The following PKD2L1 variants were observed in gnomAD, a reference collection of about 807,000 sequenced individuals.
PKD2L1 encodes the protein polycystin 2 like 1, transient receptor potential cation channel.
Under a neutral mutation model 93.0 loss-of-function variants are expected in PKD2L1, and 77 were observed. The ratio of observed to expected loss-of-function variants is 0.83; its 90% CI spans 0.69 to 1.00. The LOEUF (loss-of-function observed/expected upper bound fraction) is 1.00, where lower values mean the gene tolerates loss of function less well. PKD2L1 is among the 50% of genes least tolerant of loss of function. PKD2L1 has a pLI of 0.00. For synonymous variants in PKD2L1, 390 were observed against 388.0 expected (o/e 1.01, Z -0.06); for missense variants, 977 against 990.9 (o/e 0.99, Z 0.19).
chr10:100,308,215 C>A (rs916922630), intron 2 of PKD2L1, among the ~76,000 whole-genome samples: 18 of 152,080 alleles, frequency 1.2e-4, no homozygotes, highest in African/African-American at 4.3e-4. Flanking sequence ...ACAACAACCA[C>A]CATTATTGAT....
intron 14 of PKD2L1, 92 bp downstream of exon 14, chr10:100,289,923 T>C: frequency 6.9e-7 from 1 of 1,442,084 alleles, no homozygotes; most frequent in Non-Finnish European, 9.7e-7. Flanking sequence ...AACATAGGTC[T>C]TTCAAAAATG....
intron 12 of PKD2L1, 121 bp from the exon 13 acceptor site, chr10:100,290,640 C>T (rs1848386926): frequency 6.2e-6 from 4 of 647,598 alleles, no homozygotes; most frequent in African/African-American, 5.4e-5. Flanking sequence ...TCTTGCTATT[C>T]CCCTTCCCTC....
Position 100,329,988 on chromosome 10 carries a change from G to A in PKD2L1, c.116C>T (p.Thr39Ile). ...PSPHGTLRVC[T>I]ISSTGPLQPQ... ...CTGGAGAGGCCCCGTGCTGGAGATG[G>A]TGCAGACTCTCAGCGTCCCGTGTGG... Residue 39 changes from threonine (T) to isoleucine (I), a missense_variant, in exon 1 of 16, where the codon ACC becomes ATC. Coordinates refer to ENST00000318222, the MANE Select transcript of PKD2L1 (RefSeq NM_016112.3). 6.2e-7 allele frequency: 1 copy of A among 1,613,934 alleles called. No homozygotes were observed. Among genetic ancestry groups the A allele is most frequent in the Non-Finnish European group, 8.5e-7 (1 of 1,179,822 alleles).
In PKD2L1 at chr10:100,330,209, G is replaced by A. The variant is rs981888616; in HGVS notation, c.-106C>T. 7.7e-6 allele frequency: 5 copies of A among 648,300 alleles called. No individual in the cohort carries two copies. The highest frequency in any genetic ancestry group is 7.7e-4 in the Middle Eastern group (2 of 2,600). The allele number at this position is 648,300 out of a possible 1,614,324, so 40.2% of individuals were successfully genotyped here. A position where few individuals can be genotyped will look rare whatever the true frequency, so the allele number is the denominator to read the frequency against. On this transcript the variant is annotated 5_prime_UTR_variant, in exon 1 of 16. Coordinates refer to ENST00000318222, the MANE Select transcript of PKD2L1 (RefSeq NM_016112.3). ...TAGCCAGCAGAGAGCAAATGGAAAG[G>A]CGTCTGAGAGCAGCTGTTTCCACAC...
chr10:100,324,318 C>A (rs965127597), intron 2 of PKD2L1, among the ~76,000 whole-genome samples: 2 of 152,174 alleles, frequency 1.3e-5, no homozygotes, highest in African/African-American at 4.8e-5. Flanking sequence ...CCACAGTGTA[C>A]CTTAGGTTTT....
chr10:100,323,165 C>T (rs1209447734), intron 2 of PKD2L1, among the ~76,000 whole-genome samples: 2 of 152,162 alleles, frequency 1.3e-5, no homozygotes, highest in African/African-American at 4.8e-5. Flanking sequence ...TTAAAGGATG[C>T]TACTCAAATA....
At chr10:100,314,789 T>C (rs1359930245) in intron 2 of PKD2L1, among the ~76,000 whole-genome samples, 1 of 151,792 alleles carries the variant, frequency 6.6e-6, no homozygotes, top group Non-Finnish European at 1.5e-5. Context: ...TCCCAGCACT[T>C]TGGGAGGCTG....
chr10:100,297,642 G>C, intron 4 of PKD2L1, 36 bp from the exon 5 acceptor site: 1 of 1,512,354 alleles, frequency 6.6e-7, no homozygotes, highest in Non-Finnish European at 9.2e-7. Flanking sequence ...CAGCCCAAAA[G>C]TTCATCTCCC....
intron 2 of PKD2L1, among the ~76,000 whole-genome samples, chr10:100,326,209 G>T (rs1016742428): frequency 6.6e-6 from 1 of 152,108 alleles, no homozygotes; most frequent in Admixed American, 6.6e-5. Context: ...CTTTTCAATA[G>T]CTCTCCCTGT....
chr10:100,329,447 A>T lies in PKD2L1; in HGVS notation c.236-123T>A, dbSNP rs1849455398. On this transcript the variant is annotated intron_variant, in intron 1 of 15. Coordinates refer to ENST00000318222, the MANE Select transcript of PKD2L1 (RefSeq NM_016112.3). ...CTGCCCTTCCTTGCCCATCACCTTC[A>T]TCCTTGGCTGAATCTGGCTACTGTA... 4.4e-6 allele frequency: 6 copies of T among 1,363,540 alleles called. No homozygotes were observed. The South Asian group carries it at 7.8e-5, about 18-fold the overall frequency. The allele number at this position is 1,363,540 out of a possible 1,614,324, so 84.5% of individuals were successfully genotyped here.
In PKD2L1 at chr10:100,296,906, AC is replaced by A. The variant is rs1848551900; in HGVS notation, c.1185+73del. 6 of 936,912 alleles carry A rather than the reference AC, an allele frequency of 6.4e-6. No homozygotes were observed. The East Asian group carries it at 1.3e-4, about 20-fold the overall frequency. 58.0% of individuals were successfully genotyped at this position (936,912 alleles called of 1,614,324 possible). On this transcript the variant is annotated intron_variant, in intron 6 of 15. Coordinates refer to ENST00000318222, the MANE Select transcript of PKD2L1 (RefSeq NM_016112.3). ...AGGGCTTAGGGCTCCAAAAGGAAGA[AC>A]CTGGAGCCCCTATTAGGGTGGAACT... is the stretch of plus-strand genomic sequence containing the variant.
intron 2 of PKD2L1, among the ~76,000 whole-genome samples, chr10:100,306,341 A>G (rs1848798741): frequency 6.6e-6 from 1 of 152,176 alleles, no homozygotes; most frequent in Admixed American, 6.5e-5. Flanking sequence ...GTTTCCCAGT[A>G]TCTATTTTGG....
At chr10:100,324,959 C>T (rs2099960826) in intron 2 of PKD2L1, among the ~76,000 whole-genome samples, 1 of 152,186 alleles carries the variant, frequency 6.6e-6, no homozygotes, top group African/African-American at 2.4e-5. Flanking sequence ...CAACAGCCAC[C>T]CCGCTTGGTG....
chr10:100,322,680 G>A (rs1036194866), intron 2 of PKD2L1, among the ~76,000 whole-genome samples: 1 of 152,120 alleles, frequency 6.6e-6, no homozygotes, highest in African/African-American at 2.4e-5. Context: ...TAAAAAGAAA[G>A]AATAGTAGTT....
rs576289933 is a variant in PKD2L1 at position 100,315,782 on chromosome 10, T to C, written c.349+13429A>G. Among the ~76,000 whole-genome samples, 3 of 152,310 alleles carry C rather than the reference T, an allele frequency of 2.0e-5. No homozygotes were observed. In the South Asian group the frequency reaches 6.2e-4, roughly 32 times the overall value. ...CTATGGCAAAACTCTTGCATATTCA[T>C]AGCCTGAGGCCTTAGTTGGCTGGCG... On this transcript the variant is annotated intron_variant, in intron 2 of 15. Coordinates refer to ENST00000318222, the MANE Select transcript of PKD2L1 (RefSeq NM_016112.3).
In PKD2L1 at chr10:100,330,113, G is replaced by T; in HGVS notation, c.-10C>A. 1 of 1,525,566 alleles carries T rather than the reference G, an allele frequency of 6.6e-7. No individual in the cohort carries two copies. Among genetic ancestry groups the T allele is most frequent in the Non-Finnish European group, 8.9e-7 (1 of 1,122,210 alleles). 94.5% of individuals were successfully genotyped at this position (1,525,566 alleles called of 1,614,324 possible). On this transcript the variant is annotated 5_prime_UTR_variant, in exon 1 of 16. Transcript: ENST00000318222. ...TTCCCACAGCATTCATGGGGAATGAGGTGGGGGGGCCCGGTACCCCAGGTG... is the reference window on the plus strand; with the variant it reads ...TTCCCACAGCATTCATGGGGAATGATGTGGGGGGGCCCGGTACCCCAGGTG...
At position 100,290,037 on chromosome 10, in the gene PKD2L1, C is replaced by T. The variant is rs1429998754; in HGVS notation, c.2228G>A (p.Trp743Ter). The T allele has an allele frequency of 1.9e-6, 3 of 1,614,192 alleles. No individual in the cohort carries two copies. Among genetic ancestry groups the T allele is most frequent in the Admixed American group, 1.7e-5 (1 of 60,024 alleles). ...CACCACGCCTGGGGAGGGAGCCAGC[C>T]ACCCCTTCCTCTCCAGCATTTTCAG... ...SKLKMLERKG[W>*]LAPSPGVKEQ... Residue 743 changes from tryptophan to a stop codon, truncating the protein, a stop_gained, in exon 14 of 16, where the codon TGG becomes TAG. Coordinates refer to ENST00000318222, the MANE Select transcript of PKD2L1 (RefSeq NM_016112.3). LOFTEE classifies it high-confidence loss of function.
intron 2 of PKD2L1, among the ~76,000 whole-genome samples, chr10:100,322,221 AAAC>A (rs904237028): frequency 3.4e-4 from 52 of 152,084 alleles, no homozygotes; most frequent in Non-Finnish European, 5.7e-4. Flanking sequence ...CCCGGTCTCA[AAAC>A]AACAACAACA....
chr10:100,293,827 G>A (rs1279678544), intron 9 of PKD2L1, among the ~76,000 whole-genome samples: 2 of 152,152 alleles, frequency 1.3e-5, no homozygotes, highest in Non-Finnish European at 2.9e-5. Flanking sequence ...AAATCCAAGA[G>A]CTGGGCACAC....
Sources: allele counts gnomAD v4.1 joint callset (sites outside exome capture counted in the v4.1 genomes callset), GRCh38; gene constraint gnomAD v4.1.1; transcripts MANE v1.5; gene names NCBI Gene and HGNC (gene_info 2026-07-23, HGNC 2026-07-21).